The following GCC2 variants were observed in gnomAD, a reference collection of about 807,000 sequenced individuals.
The protein encoded by GCC2 is GRIP and coiled-coil domain-containing protein 2.
Under a neutral mutation model 210.6 loss-of-function variants are expected in GCC2, and 120 were observed. That is an observed-to-expected ratio of 0.57 (90% confidence interval 0.49 to 0.66). The LOEUF (loss-of-function observed/expected upper bound fraction) is 0.66, where lower values mean the gene tolerates loss of function less well. Ranked by LOEUF, GCC2 falls within the 30% of genes least tolerant of loss-of-function variation. The pLI is 0.00. For synonymous variants in GCC2, 703 were observed against 652.7 expected, an observed-to-expected ratio of 1.08 and a Z score of -1.17; for missense variants, 1,868 against 1,871.9, an observed-to-expected ratio of 1.00 and a Z score of 0.04.
intron 1 of GCC2, 102 bp from the exon 2 acceptor site, chr2:108,449,531 A>G (rs1679789451): frequency 1.5e-6 from 2 of 1,319,660 alleles, no homozygotes; most frequent in South Asian, 1.2e-5. Context: ...GCTTTCCACC[A>G]CTTGATTCCA....
chr2:108,482,428 C>A lies in GCC2; in HGVS notation c.3322C>A (p.Leu1108Ile). ...MVDKELEAEK[L>I]QKEQKIKEHA... Reference sequence around the variant, plus strand: ...AGACAAAGAATTAGAAGCTGAAAAACTTCAGAAAGAACAGAAGATAAAGGT... The same window carrying A: ...AGACAAAGAATTAGAAGCTGAAAAAATTCAGAAAGAACAGAAGATAAAGGT... Residue 1108 changes from leucine (L) to isoleucine (I), a missense_variant, in exon 11 of 23, where the codon CTT becomes ATT. By Grantham distance (5) the Leu-to-Ile change is conservative. Transcript: ENST00000309863. 1 of 1,568,648 alleles carries A rather than the reference C, an allele frequency of 6.4e-7. No homozygotes were observed. The highest frequency in any genetic ancestry group is 8.8e-7 in the Non-Finnish European group (1 of 1,142,632).
chr2:108,455,505 TTTTTTTCC>T (rs1680210823), intron 4 of GCC2, among the ~76,000 whole-genome samples: 1 of 152,218 alleles, frequency 6.6e-6, no homozygotes, highest in Non-Finnish European at 1.5e-5. Flanking sequence ...TTTCCTTCTT[TTTTTTTCC>T]TGATCCATTA....
intron 6 of GCC2, 93 bp from the exon 7 acceptor site, chr2:108,472,734 A>C (rs1172770835): frequency 2.7e-6 from 2 of 738,700 alleles, no homozygotes; most frequent in Non-Finnish European, 4.6e-6. Context: ...TGATTTTCTT[A>C]TGCTTAACAT....
At chr2:108,464,067 C>T (rs773524815) in intron 4 of GCC2, among the ~76,000 whole-genome samples, 1 of 151,664 alleles carries the variant, frequency 6.6e-6, no homozygotes, top group Admixed American at 6.6e-5. Context: ...CTCGGTGGTG[C>T]GTAAAGATGC....
At chr2:108,501,812 T>A (rs1682940924) in intron 22 of GCC2, among the ~76,000 whole-genome samples, 1 of 152,138 alleles carries the variant, frequency 6.6e-6, no homozygotes, top group Admixed American at 6.6e-5. Context: ...CAGGCTTAAT[T>A]TTTTTTACAG....
Position 108,471,406 on chromosome 2 carries a change from G to A in GCC2, c.2077G>A (p.Glu693Lys), listed in dbSNP as rs1681212490. Residue 693 changes from glutamate to lysine, a missense_variant, in exon 6 of 23, where the codon GAA (glutamate) becomes AAA (lysine). Physicochemically the swap from Glu to Lys is moderately conservative, Grantham distance 56. Coordinates refer to ENST00000309863, the MANE Select transcript of GCC2 (RefSeq NM_181453.4). Reference sequence around the variant, plus strand: ...AGCTGAAGTGAAGTCTCTTTATGAGGAAAACAATAAACTCAGTTCAGAAAA... The same window carrying A: ...AGCTGAAGTGAAGTCTCTTTATGAGAAAAACAATAAACTCAGTTCAGAAAA... ...LSAEVKSLYE[E>K]NNKLSSEKKQ... The A allele has an allele frequency of 6.2e-7, 1 of 1,605,898 alleles. No homozygotes were observed. Among genetic ancestry groups the A allele is most frequent in the Non-Finnish European group, 8.5e-7 (1 of 1,177,888 alleles).
intron 4 of GCC2, among the ~76,000 whole-genome samples, chr2:108,455,393 A>C (rs1310528980): frequency 2.0e-5 from 3 of 152,050 alleles, no homozygotes; most frequent in Non-Finnish European, 2.9e-5. Flanking sequence ...GAGCTGAGAT[A>C]GTGCCACTGC....
intron 19 of GCC2, chr2:108,493,696 G>A (rs1682512447): frequency 1.3e-5 from 13 of 985,356 alleles, no homozygotes; most frequent in Non-Finnish European, 1.4e-5. Flanking sequence ...GTTTCCCATG[G>A]GAAATATTGT....
chr2:108,469,086 T>C lies in GCC2; in HGVS notation c.321+2T>C. On this transcript the variant is annotated splice_donor_variant, in intron 5 of 22. Coordinates refer to ENST00000309863, the MANE Select transcript of GCC2 (RefSeq NM_181453.4). LOFTEE classifies it high-confidence loss of function. ...ATAAAAATGAAGCAAGAGGTTGAGGTAAGTCAATATTTTAGTGTTCTTTTC... is the reference window on the plus strand; with the variant it reads ...ATAAAAATGAAGCAAGAGGTTGAGGCAAGTCAATATTTTAGTGTTCTTTTC... The C allele has an allele frequency of 7.6e-5, 103 of 1,362,204 alleles. No homozygotes were observed. Among genetic ancestry groups the C allele is most frequent in the Middle Eastern group, 1.8e-4 (1 of 5,584 alleles). The allele number at this position is 1,362,204 out of a possible 1,614,324, so 84.4% of individuals were successfully genotyped here.
At position 108,450,652 on chromosome 2, in the gene GCC2, C is replaced by T. The variant is rs187596203; in HGVS notation, c.64-376C>T. Reference sequence around the variant, plus strand: ...ATCCCAACACTTTGGGAGGCCGAGGCGGGCAGATCACCTGCGGTCAGGAGT... The same window carrying T: ...ATCCCAACACTTTGGGAGGCCGAGGTGGGCAGATCACCTGCGGTCAGGAGT... On this transcript the variant is annotated intron_variant, in intron 2 of 22. Coordinates refer to ENST00000309863, the MANE Select transcript of GCC2 (RefSeq NM_181453.4). Among the ~76,000 whole-genome samples the T allele has an allele frequency of 3.9e-5, 6 of 152,328 alleles. No homozygotes were observed. In the East Asian group the frequency reaches 5.8e-4, roughly 15 times the overall value.
chr2:108,490,508 G>A (rs777138079), intron 18 of GCC2, among the ~76,000 whole-genome samples: 24 of 152,184 alleles, frequency 1.6e-4, no homozygotes, highest in Non-Finnish European at 3.2e-4. Flanking sequence ...TTCAACTCCT[G>A]TGATAAAGAA....
At chr2:108,497,666 T>C (rs1392047168) in intron 21 of GCC2, among the ~76,000 whole-genome samples, 1 of 152,000 alleles carries the variant, frequency 6.6e-6, no homozygotes, top group Non-Finnish European at 1.5e-5. Flanking sequence ...GCATGGGAAG[T>C]TTTTCCTGTT....
At chr2:108,479,150 G>A (rs1050386102) in intron 9 of GCC2, among the ~76,000 whole-genome samples, 4 of 151,660 alleles carry the variant, frequency 2.6e-5, no homozygotes, top group Non-Finnish European at 5.9e-5. Flanking sequence ...GCGACAGAGC[G>A]AGACAACGTC....
At chr2:108,477,010 T>C (rs374066388) in intron 9 of GCC2, among the ~76,000 whole-genome samples, 11 of 152,340 alleles carry the variant, frequency 7.2e-5, no homozygotes, top group African/African-American at 2.2e-4. Flanking sequence ...GCAAAACTTA[T>C]ATAGGATGAC....
intron 3 of GCC2, 47 bp from the exon 4 acceptor site, chr2:108,452,352 A>T (rs753147385): frequency 2.1e-6 from 2 of 960,188 alleles, no homozygotes; most frequent in African/African-American, 3.3e-5. Flanking sequence ...CCCAGTAATT[A>T]TGTTCTTTAT....
intron 9 of GCC2, among the ~76,000 whole-genome samples, chr2:108,479,287 A>G (rs1398799135): frequency 6.6e-6 from 1 of 152,242 alleles, no homozygotes; most frequent in Non-Finnish European, 1.5e-5. Context: ...AGTTGAGTCA[A>G]ATAATTGACC....
At chr2:108,491,778 T>C (rs957522637) in intron 18 of GCC2, among the ~76,000 whole-genome samples, 3 of 144,988 alleles carry the variant, frequency 2.1e-5, no homozygotes, top group Non-Finnish European at 4.4e-5. Flanking sequence ...TATTTATTTA[T>C]TTATTTATTT....
Position 108,450,805 on chromosome 2 carries a change from T to A in GCC2, c.64-223T>A, listed in dbSNP as rs2683799. ...GCTGAGACAGGAGAATTGCTTGAAC[T>A]TGGGAGGCAGAGGTTACAAGTGAGC... On this transcript the variant is annotated intron_variant, in intron 2 of 22. Transcript: ENST00000309863. Among the ~76,000 whole-genome samples the A allele has an allele frequency of 1.5e-4, 23 of 152,134 alleles. No individual in the cohort carries two copies. The South Asian group carries it at 4.6e-3, about 30-fold the overall frequency.
chr2:108,479,299 T>C (rs1380507612), intron 9 of GCC2, among the ~76,000 whole-genome samples: 2 of 152,286 alleles, frequency 1.3e-5, no homozygotes, highest in East Asian at 3.9e-4. Flanking sequence ...TAATTGACCA[T>C]GTGTAAATGA....
Sources: allele counts gnomAD v4.1 joint callset (sites outside exome capture counted in the v4.1 genomes callset), GRCh38; gene constraint gnomAD v4.1.1; transcripts MANE v1.5; gene names NCBI Gene and HGNC (gene_info 2026-07-23, HGNC 2026-07-21).